MZT2A: variants seen among roughly 807,000 people sequenced by gnomAD.
MZT2A encodes the protein mitotic-spindle organizing protein 2A.
MZT2A carries 8 observed loss-of-function variants against 12.4 expected under a neutral mutation model. The observed-to-expected ratio is 0.64, with a 90% CI of 0.38 to 1.16. The LOEUF (loss-of-function observed/expected upper bound fraction) is 1.16, where lower values mean the gene tolerates loss of function less well. Ranked by LOEUF, MZT2A falls within the 50% of genes most tolerant of loss-of-function variation. The probability of loss-of-function intolerance (pLI) is 0.01; values close to 1 mark genes in which losing one functional copy is unlikely to be tolerated. For missense variants in MZT2A, 181 were observed against 223.6 expected (o/e 0.81, Z 1.22); for synonymous variants, 88 against 107.5 (o/e 0.82, Z 1.12).
intron 2 of MZT2A, among the ~76,000 whole-genome samples, chr2:131,474,011 T>C (rs1395977275): frequency 2.0e-5 from 3 of 149,896 alleles, no homozygotes; most frequent in Non-Finnish European, 4.4e-5. Flanking sequence ...TTTAAAGGCA[T>C]TTTGTTCCTG....
chr2:131,476,309 G>A, intron 2 of MZT2A: 1 of 1,585,502 alleles, frequency 6.3e-7, no homozygotes, highest in Non-Finnish European at 8.6e-7. Context: ...GGAGGCCAGA[G>A]AAGGACGCAG....
intron 2 of MZT2A, chr2:131,491,654 C>T: frequency 1.2e-6 from 1 of 808,196 alleles, no homozygotes; most frequent in Non-Finnish European, 1.9e-6. Context: ...CCTGGACCAC[C>T]CTGGGGCACG....
downstream of MZT2A, among the ~76,000 whole-genome samples, chr2:131,481,819 G>A (rs1340012758): frequency 2.0e-5 from 3 of 152,204 alleles, no homozygotes; most frequent in African/African-American, 4.8e-5. Context: ...CTGCCCACCT[G>A]TCTCCCAAAG....
At chr2:131,480,251 C>A, downstream of MZT2A, 1 of 1,614,012 alleles carries the variant, frequency 6.2e-7, no homozygotes, top group Non-Finnish European at 8.5e-7. Context: ...AGCCCTACAA[C>A]TCCATCCTGA....
chr2:131,484,031 G>C lies in MZT2A; in HGVS notation c.*30C>G. 1 of 1,582,678 alleles carries C rather than the reference G, an allele frequency of 6.3e-7. No individual in the cohort carries two copies. The highest frequency in any genetic ancestry group is 8.6e-7 in the Non-Finnish European group (1 of 1,158,954). ...GAGGTAACATGTAGCCTTTGCTGGG[G>C]ACAAAGATGTGACAAGTCTCTGCCC... On this transcript the variant is annotated 3_prime_UTR_variant, in exon 3 of 3. Transcript: ENST00000309451.
rs963972297 is a variant in MZT2A, at chr2:131,478,028, C to T, written c.279-5846G>A. 7 of 1,204,682 alleles carry T rather than the reference C, an allele frequency of 5.8e-6. No homozygotes were observed. The African/African-American group carries it at 1.1e-4, about 19-fold the overall frequency. The allele number at this position is 1,204,682 out of a possible 1,614,324, so 74.6% of individuals were successfully genotyped here. ...AGCGATAAAGGGATCAGTCACTAAC[C>T]CTCCTAGGAAATATCGATTGTGAAA... On this transcript the variant is annotated intron_variant and NMD_transcript_variant, in intron 2 of 4. Coordinates refer to the MZT2A transcript ENST00000427024.
chr2:131,475,740 T>C (rs1678637189), intron 2 of MZT2A, among the ~76,000 whole-genome samples: 2 of 152,024 alleles, frequency 1.3e-5, no homozygotes, highest in South Asian at 2.1e-4. Context: ...CTTGGGTAGA[T>C]GGCGGCAAGG....
At chr2:131,490,837 G>A (rs940751158) in intron 2 of MZT2A, 29 of 1,549,936 alleles carry the variant, frequency 1.9e-5, no homozygotes, top group Non-Finnish European at 2.4e-5. Flanking sequence ...GCGGGCTGGA[G>A]GAAAACGAGG....
upstream of MZT2A, chr2:131,493,019 G>A: frequency 6.7e-7 from 1 of 1,492,136 alleles, no homozygotes; most frequent in Non-Finnish European, 9.0e-7. Context: ...CAAAGAGGTA[G>A]AAGCGCTTTT....
At chr2:131,487,747 C>T (rs1261340200) in intron 2 of MZT2A, among the ~76,000 whole-genome samples, 3 of 152,224 alleles carry the variant, frequency 2.0e-5, no homozygotes, top group Non-Finnish European at 4.4e-5. Flanking sequence ...TGAACCAATG[C>T]CCAGCCTCAT....
chr2:131,492,048 G>A (rs1354778581), intron 1 of MZT2A, 24 bp from the exon 2 acceptor site: 3 of 1,553,594 alleles, frequency 1.9e-6, no homozygotes, highest in African/African-American at 1.4e-5. Context: ...ACGCGGGGCC[G>A]GTGAGCCCTC....
chr2:131,476,090 G>A (rs1318835096), intron 2 of MZT2A: 62 of 1,548,832 alleles, frequency 4.0e-5, no homozygotes, highest in Admixed American at 1.9e-5. Context: ...GCACCGGCGG[G>A]CCAATCCCGT....
chr2:131,490,583 C>T (rs1005015534), intron 2 of MZT2A: 62 of 1,533,372 alleles, frequency 4.0e-5, no homozygotes, highest in African/African-American at 1.8e-4. Context: ...TGTGGCTAAG[C>T]GGCAGGGCAG....
rs2104730800 is a variant in MZT2A at position 131,483,981 on chromosome 2, CAGAA to C, written c.*76_*79del. Reference sequence around the variant, plus strand: ...CATCTGACCTGGACCCTCTGCATCTCAGAAAGGTTTATTATCAACTGAAGGAGGT... The same window carrying C: ...CATCTGACCTGGACCCTCTGCATCTCAGGTTTATTATCAACTGAAGGAGGT... On this transcript the variant is annotated 3_prime_UTR_variant, in exon 3 of 3. Coordinates refer to ENST00000309451, the MANE Select transcript of MZT2A (RefSeq NM_001085365.2). 6.6e-7 allele frequency: 1 copy of C among 1,512,832 alleles called. No homozygotes were observed. The highest frequency in any genetic ancestry group is 8.9e-7 in the Non-Finnish European group (1 of 1,129,722). 93.7% of individuals were successfully genotyped at this position (1,512,832 alleles called of 1,614,324 possible).
intron 2 of MZT2A, among the ~76,000 whole-genome samples, chr2:131,486,036 AG>A (rs1306175118): frequency 3.3e-5 from 5 of 151,130 alleles, no homozygotes; most frequent in African/African-American, 1.2e-4. Context: ...GGTGGTGGTG[AG>A]GGTTACAGCG....
chr2:131,485,676 G>A (rs1679025368), intron 2 of MZT2A, among the ~76,000 whole-genome samples: 1 of 152,156 alleles, frequency 6.6e-6, no homozygotes, highest in Non-Finnish European at 1.5e-5. Flanking sequence ...GGTGACTCCA[G>A]ACAAGGGTTC....
chr2:131,471,820 C>T (rs1704992454), intron 3 of MZT2A, among the ~76,000 whole-genome samples: 1 of 152,128 alleles, frequency 6.6e-6, no homozygotes, highest in South Asian at 2.1e-4. Context: ...GAAGTGGGTG[C>T]CTGCTGCAGG....
intron 2 of MZT2A, 142 bp downstream of exon 2, chr2:131,491,734 G>A: frequency 1.8e-6 from 2 of 1,094,108 alleles, no homozygotes; most frequent in Non-Finnish European, 2.5e-6. Context: ...AGAGCCCACG[G>A]ATGGGCCCTG....
At chr2:131,485,988 T>A (rs140509202) in intron 2 of MZT2A, among the ~76,000 whole-genome samples, 1,592 of 151,574 alleles carry the variant, frequency 0.011, 29 homozygotes, top group African/African-American at 0.037. Flanking sequence ...TCCGGGGAGT[T>A]CTTCCTCAGA....
Sources: allele counts gnomAD v4.1 joint callset (sites outside exome capture counted in the v4.1 genomes callset), GRCh38; gene constraint gnomAD v4.1.1; transcripts MANE v1.5; gene names NCBI Gene and HGNC (gene_info 2026-07-23, HGNC 2026-07-21).